The following DGKG variants were observed in gnomAD, a reference collection of about 807,000 sequenced individuals.
The protein encoded by DGKG is diacylglycerol kinase gamma.
In DGKG, 78 loss-of-function variants were observed where a neutral mutation model predicts 105.3. That is an observed-to-expected ratio of 0.74 (90% CI 0.62 to 0.89). The LOEUF is 0.89. Among genes scored for constraint, DGKG ranks in the 40% least tolerant of loss-of-function variants. DGKG has a pLI of 0.00. For missense variants in DGKG, 958 were observed against 1,020.1 expected (o/e 0.94, Z 0.83); for synonymous variants, 346 against 367.1 (o/e 0.94, Z 0.66).
chr3:186,295,969 C>A, intron 5 of DGKG, among the ~76,000 whole-genome samples: 1 of 152,032 alleles, frequency 6.6e-6, no homozygotes, highest in East Asian at 1.9e-4. Context: ...ATTAGCCAGG[C>A]GTGGCAGCAC....
At chr3:186,318,975 A>G (rs1724951374) in intron 2 of DGKG, among the ~76,000 whole-genome samples, 1 of 152,174 alleles carries the variant, frequency 6.6e-6, no homozygotes, top group African/African-American at 2.4e-5. Flanking sequence ...TCACGAGCAC[A>G]TTTCTGATGC....
intron 7 of DGKG, among the ~76,000 whole-genome samples, chr3:186,282,279 T>A (rs1722864751): frequency 6.6e-6 from 1 of 152,156 alleles, no homozygotes; most frequent in African/African-American, 2.4e-5. Context: ...GTGCCTGTGT[T>A]CGAGAAGGAA....
rs551787098 is a variant in DGKG at position 186,351,111 on chromosome 3, G to A, written c.-249+10835C>T. ...AGGAGTCCTTTTCATTTAATCTCCA[G>A]GCCAACTTTTCCTTCCATTCTGATG... On this transcript the variant is annotated intron_variant, in intron 1 of 24. Transcript: ENST00000265022. Among the ~76,000 whole-genome samples, 274 of 152,212 alleles carry A rather than the reference G, an allele frequency of 1.8e-3. 1 individual carries two copies. The highest frequency in any genetic ancestry group is 6.3e-3 in the African/African-American group (263 of 41,536).
intron 20 of DGKG, among the ~76,000 whole-genome samples, chr3:186,214,898 G>A (rs1376033452): frequency 6.6e-6 from 1 of 152,190 alleles, no homozygotes; most frequent in East Asian, 1.9e-4. Context: ...TAGCTGGAGG[G>A]ACACCCAATT....
At chr3:186,218,068 G>C (rs977081183) in intron 20 of DGKG, among the ~76,000 whole-genome samples, 13 of 152,156 alleles carry the variant, frequency 8.5e-5, no homozygotes, top group Non-Finnish European at 2.9e-5. Context: ...GTATGGCATG[G>C]GGGGAGGGCA....
chr3:186,318,884 T>C (rs1344980187), intron 2 of DGKG, among the ~76,000 whole-genome samples: 3 of 152,232 alleles, frequency 2.0e-5, no homozygotes, highest in African/African-American at 7.2e-5. Flanking sequence ...CCTTGGTTTT[T>C]GATCCCCTTC....
intron 20 of DGKG, among the ~76,000 whole-genome samples, chr3:186,234,552 C>A (rs116669330): frequency 5.3e-5 from 8 of 152,290 alleles, no homozygotes; most frequent in African/African-American, 1.7e-4. Flanking sequence ...ACATAGCGTG[C>A]TTTCAAGTTC....
At chr3:186,241,808 G>A (rs920495591) in intron 20 of DGKG, among the ~76,000 whole-genome samples, 10 of 152,186 alleles carry the variant, frequency 6.6e-5, no homozygotes, top group Non-Finnish European at 1.0e-4. Flanking sequence ...GTAGCTATAC[G>A]TCAGTCACAA....
At chr3:186,241,298 A>T (rs1720674228) in intron 20 of DGKG, among the ~76,000 whole-genome samples, 1 of 151,282 alleles carries the variant, frequency 6.6e-6, no homozygotes, top group South Asian at 2.1e-4. Flanking sequence ...CTTGCTTGTA[A>T]TCCCAGCACT....
chr3:186,264,497 T>C (rs1021930383), intron 14 of DGKG, among the ~76,000 whole-genome samples: 6 of 152,170 alleles, frequency 3.9e-5, no homozygotes, highest in African/African-American at 1.4e-4. Flanking sequence ...CTTCTGACCT[T>C]AGGCGATTTG....
rs759841192 is a variant in DGKG, at chr3:186,260,524, AAAAAG to A, written c.1350-16_1350-12del. The A allele has an allele frequency of 1.5e-5, 24 of 1,603,046 alleles. 1 individual carries two copies. The South Asian group carries it at 1.8e-4, about 12-fold the overall frequency. The stretch of plus-strand genomic sequence containing the variant: ...AATTTCCGAAGAATTCTATGGAAAA[AAAAAG>A]AAAAGGAGGGAGAGAGAGAGACAGA... On this transcript the variant is annotated splice_polypyrimidine_tract_variant and intron_variant, in intron 15 of 24. Transcript: ENST00000265022.
At chr3:186,196,721 G>T (rs1020659725) in intron 21 of DGKG, among the ~76,000 whole-genome samples, 1 of 152,178 alleles carries the variant, frequency 6.6e-6, no homozygotes, top group Non-Finnish European at 1.5e-5. Flanking sequence ...AGCAACATGG[G>T]ACATTAGAGA....
intron 7 of DGKG, among the ~76,000 whole-genome samples, chr3:186,283,473 C>T (rs1438581453): frequency 6.6e-6 from 1 of 152,160 alleles, no homozygotes; most frequent in Non-Finnish European, 1.5e-5. Context: ...TGTTCAGATG[C>T]CCCCTCCTAG....
intron 3 of DGKG, among the ~76,000 whole-genome samples, chr3:186,300,227 C>T (rs1723857315): frequency 1.3e-5 from 2 of 152,164 alleles, no homozygotes; most frequent in African/African-American, 4.8e-5. Flanking sequence ...TTTCATTTAC[C>T]TGCAAGTATG....
chr3:186,238,488 C>T (rs1422797210), intron 20 of DGKG, among the ~76,000 whole-genome samples: 4 of 152,026 alleles, frequency 2.6e-5, no homozygotes, highest in Non-Finnish European at 5.9e-5. Flanking sequence ...CACTATTTTT[C>T]CTTTTCTTTT....
chr3:186,356,052 G>T lies in DGKG; in HGVS notation c.-249+5894C>A, dbSNP rs557165582. 2.8e-4 allele frequency among the ~76,000 whole-genome samples: 42 copies of T among 152,300 alleles called. No homozygotes were observed. In the South Asian group the frequency reaches 8.5e-3, roughly 31 times the overall value. On this transcript the variant is annotated intron_variant, in intron 1 of 24. Transcript: ENST00000265022. ...TGAAGAATATTTGGAGTTTATCAGA[G>T]ACCTTTGATAAGATTCTTCTAATAA...
chr3:186,311,227 A>G (rs1466901287), intron 2 of DGKG, among the ~76,000 whole-genome samples: 1 of 152,214 alleles, frequency 6.6e-6, no homozygotes, highest in East Asian at 1.9e-4. Context: ...GTCAAGGTTG[A>G]GGACTGCCAT....
In DGKG at chr3:186,233,760, G is replaced by T. The variant is rs190216772; in HGVS notation, c.1826+8744C>A. ...GGCCTCCCAAAGTGCTGGGATTACAGGCGTGAGCCACCACGCCCAGCCAGT... is the reference window on the plus strand; with the variant it reads ...GGCCTCCCAAAGTGCTGGGATTACATGCGTGAGCCACCACGCCCAGCCAGT... On this transcript the variant is annotated intron_variant, in intron 20 of 24. Transcript: ENST00000265022. 4.7e-3 allele frequency among the ~76,000 whole-genome samples: 712 copies of T among 152,374 alleles called. 3 individuals carry two copies. Among genetic ancestry groups the T allele is most frequent in the African/African-American group, 0.016 (654 of 41,590 alleles).
intron 20 of DGKG, among the ~76,000 whole-genome samples, chr3:186,223,543 A>G (rs1719705220): frequency 6.6e-6 from 1 of 151,796 alleles, no homozygotes; most frequent in African/African-American, 2.4e-5. Context: ...TCAAAAATGC[A>G]CTCGATAGGG....
Sources: gnomAD v4.1 joint callset for allele counts (sites outside exome capture counted in the v4.1 genomes callset) on GRCh38, gnomAD v4.1.1 for gene constraint, MANE v1.5 for transcripts, NCBI Gene and HGNC (gene_info 2026-07-23, HGNC 2026-07-21) for gene names.